The following DYTN variants were observed in gnomAD, a reference collection of about 807,000 sequenced individuals.
The protein encoded by DYTN is dystrotelin.
A neutral mutation model predicts 69.6 loss-of-function variants in DYTN; 75 were observed. The observed-to-expected ratio is 1.08, with a 90% CI of 0.89 to 1.31. The LOEUF is 1.31. DYTN is among the 50% of genes most tolerant of loss of function. DYTN has a pLI of 0.00. For synonymous variants in DYTN, 252 were observed against 249.1 expected, an observed-to-expected ratio of 1.01 and a Z score of -0.11; for missense variants, 726 against 688.4, an observed-to-expected ratio of 1.05 and a Z score of -0.61.
rs775533766 is a variant in DYTN, at chr2:206,691,134, C to T, written c.980+2041G>A. ...GAAATGCAAATAAGAGTATGGAGGC[C>T]GGGCACGGTGGCTCACACCTGTAAT... On this transcript the variant is annotated intron_variant, in intron 9 of 11. Coordinates refer to ENST00000452335, the MANE Select transcript of DYTN (RefSeq NM_001093730.1). Among the ~76,000 whole-genome samples, 121 of 152,026 alleles carry T rather than the reference C, an allele frequency of 8.0e-4. 3 individuals are homozygous for T. The highest frequency in any genetic ancestry group is 3.4e-4 in the Non-Finnish European group (23 of 67,986).
chr2:206,656,144 T>TTA (rs1446733710), intron 11 of DYTN, among the ~76,000 whole-genome samples: 1 of 152,182 alleles, frequency 6.6e-6, no homozygotes, highest in African/African-American at 2.4e-5. Flanking sequence ...AATAATTGCT[T>TTA]TATATATTTA....
chr2:206,681,900 T>C (rs1010442207), intron 9 of DYTN, among the ~76,000 whole-genome samples: 2 of 152,220 alleles, frequency 1.3e-5, no homozygotes, highest in African/African-American at 4.8e-5. Flanking sequence ...TAAAATAAGT[T>C]AAGGAGGAGT....
At chr2:206,679,877 T>C (rs1699731458) in intron 9 of DYTN, among the ~76,000 whole-genome samples, 1 of 152,192 alleles carries the variant, frequency 6.6e-6, no homozygotes, top group African/African-American at 2.4e-5. Context: ...ACAAACTCGA[T>C]TCCTACCCCA....
At chr2:206,681,969 A>C (rs1457203658) in intron 9 of DYTN, among the ~76,000 whole-genome samples, 1 of 152,060 alleles carries the variant, frequency 6.6e-6, no homozygotes, top group Non-Finnish European at 1.5e-5. Flanking sequence ...TCCTCTTTGT[A>C]CCTCTGGTAG....
At chr2:206,657,732 T>C (rs1197402133) in intron 11 of DYTN, among the ~76,000 whole-genome samples, 1 of 152,184 alleles carries the variant, frequency 6.6e-6, no homozygotes, top group Non-Finnish European at 1.5e-5. Context: ...TGTTATAATC[T>C]TATAAGGGTT....
At chr2:206,697,980 ATGTAAAAGT>A (rs1412543491) in intron 7 of DYTN, among the ~76,000 whole-genome samples, 1 of 152,222 alleles carries the variant, frequency 6.6e-6, no homozygotes, top group Non-Finnish European at 1.5e-5. Context: ...ACATATTTCA[ATGTAAAAGT>A]TGTGTTTTAT....
chr2:206,699,001 T>C (rs889903021), intron 7 of DYTN, among the ~76,000 whole-genome samples: 2 of 152,228 alleles, frequency 1.3e-5, no homozygotes, highest in African/African-American at 4.8e-5. Flanking sequence ...ATACAACCCT[T>C]TGTATAGGCT....
chr2:206,668,311 C>G (rs1024869022), intron 9 of DYTN, among the ~76,000 whole-genome samples: 2 of 152,206 alleles, frequency 1.3e-5, no homozygotes, highest in Admixed American at 6.5e-5. Flanking sequence ...AATCCCTATC[C>G]TTCCACAATC....
chr2:206,655,341 G>T (rs10180634), intron 11 of DYTN, among the ~76,000 whole-genome samples: 1,896 of 151,680 alleles, frequency 0.013, 42 homozygotes, highest in African/African-American at 0.042. Flanking sequence ...GAACTCCTGG[G>T]CTCAAATGAT....
At position 206,674,782 on chromosome 2, in the gene DYTN, A is replaced by C. The variant is rs188531665; in HGVS notation, c.981-8753T>G. Among the ~76,000 whole-genome samples the C allele has an allele frequency of 8.7e-4, 133 of 152,246 alleles. No homozygotes were observed. The East Asian group carries it at 8.9e-3, about 10-fold the overall frequency. ...CTCTATTAATGAAATACTTCCAATAAGAAAAAAATGTTTGAAAATTTCAGT... is the reference window on the plus strand; with the variant it reads ...CTCTATTAATGAAATACTTCCAATACGAAAAAAATGTTTGAAAATTTCAGT... On this transcript the variant is annotated intron_variant, in intron 9 of 11. Coordinates refer to ENST00000452335, the MANE Select transcript of DYTN (RefSeq NM_001093730.1).
intron 10 of DYTN, 25 bp downstream of exon 10, chr2:206,665,845 G>A: frequency 6.2e-7 from 1 of 1,610,552 alleles, no homozygotes; most frequent in East Asian, 2.2e-5. Context: ...CAGTCCAGAT[G>A]GCCAGTGTCC....
rs1457921677 is a variant in DYTN, at chr2:206,710,584, T to C, written c.34A>G (p.Ile12Val). The C allele has an allele frequency of 1.2e-6, 2 of 1,609,666 alleles. No individual in the cohort carries two copies. The highest frequency in any genetic ancestry group is 8.5e-7 in the Non-Finnish European group (1 of 1,177,796). Residue 12 changes from isoleucine (I) to valine (V), a missense_variant, in exon 2 of 12, where the codon ATT (isoleucine) becomes GTT (valine). Ile to Val is a conservative substitution (Grantham distance 29). Transcript: ENST00000452335. ...DPDKQDALNS[I>V]ENSIYRTAFK... ...GCTGTTCTATAAATGGAATTCTCAA[T>C]ACTATTAAGAGCATCTGTAAAGAAA...
intron 9 of DYTN, among the ~76,000 whole-genome samples, chr2:206,686,128 G>T (rs183388844): frequency 2.6e-5 from 4 of 152,084 alleles, no homozygotes; most frequent in Non-Finnish European, 5.9e-5. Context: ...CATTATTAGC[G>T]AGTCAGAGAG....
rs531717710 is a variant in DYTN, at chr2:206,673,478, G to A, written c.981-7449C>T. Among the ~76,000 whole-genome samples the A allele has an allele frequency of 2.6e-5, 4 of 152,214 alleles. No homozygotes were observed. The East Asian group carries it at 5.8e-4, about 22-fold the overall frequency. On this transcript the variant is annotated intron_variant, in intron 9 of 11. Transcript: ENST00000452335. The stretch of plus-strand genomic sequence containing the variant: ...TCACCACATTGGCCAGGCTGGTCTC[G>A]AACTCCTGACTTCATGATCTGCCCA...
At position 206,710,612 on chromosome 2, in the gene DYTN, G is replaced by A. The variant is rs371608096; in HGVS notation, c.20-14C>T. 3.7e-5 allele frequency: 58 copies of A among 1,570,704 alleles called. No individual in the cohort carries two copies. The highest frequency in any genetic ancestry group is 1.7e-4 in the South Asian group (15 of 85,794). On this transcript the variant is annotated splice_polypyrimidine_tract_variant and intron_variant, in intron 1 of 11. Coordinates refer to ENST00000452335, the MANE Select transcript of DYTN (RefSeq NM_001093730.1). Reference sequence around the variant, plus strand: ...TATTAAGAGCATCTGTAAAGAAAACGTAAAATATTATGAATAAAGTCTCTC... The same window carrying A: ...TATTAAGAGCATCTGTAAAGAAAACATAAAATATTATGAATAAAGTCTCTC...
intron 1 of DYTN, 37 bp downstream of exon 1, chr2:206,718,224 T>G: frequency 6.3e-7 from 1 of 1,575,046 alleles, no homozygotes; most frequent in Admixed American, 1.8e-5. Flanking sequence ...TTTTTCTGTT[T>G]ACAAACTATG....
intron 11 of DYTN, 49 bp downstream of exon 11, chr2:206,662,854 A>C: frequency 6.4e-7 from 1 of 1,553,354 alleles, no homozygotes; most frequent in African/African-American, 1.4e-5. Flanking sequence ...TTAAAAAGGC[A>C]GCTTGAATCC....
intron 9 of DYTN, among the ~76,000 whole-genome samples, chr2:206,667,716 G>C (rs1699588769): frequency 6.6e-6 from 1 of 151,928 alleles, no homozygotes. Context: ...GTGTGTGTGT[G>C]TGTGTGTGTG....
intron 9 of DYTN, among the ~76,000 whole-genome samples, chr2:206,666,648 T>G (rs77163299): frequency 0.019 from 2,890 of 152,050 alleles, 88 homozygotes; most frequent in African/African-American, 0.066. Context: ...AGTTCATGGA[T>G]TGTAGGTCTG....
Sources: allele counts gnomAD v4.1 joint callset (sites outside exome capture counted in the v4.1 genomes callset), GRCh38; gene constraint gnomAD v4.1.1; transcripts MANE v1.5; gene names NCBI Gene and HGNC (gene_info 2026-07-23, HGNC 2026-07-21).